MYBL2: variants seen among roughly 807,000 people sequenced by gnomAD.
The protein encoded by MYBL2 is myb-related protein B.
A neutral mutation model predicts 79.9 loss-of-function variants in MYBL2; 28 were observed. The ratio of observed to expected loss-of-function variants is 0.35; its 90% CI spans 0.26 to 0.48. The LOEUF is 0.48. Among genes scored for constraint, MYBL2 ranks in the 20% least tolerant of loss-of-function variants. The probability of loss-of-function intolerance (pLI) is 0.99; values close to 1 mark genes in which losing one functional copy is unlikely to be tolerated. For synonymous variants in MYBL2, 378 were observed against 361.2 expected (o/e 1.05, Z -0.53); for missense variants, 735 against 893.9 (o/e 0.82, Z 2.27).
intron 4 of MYBL2, among the ~76,000 whole-genome samples, chr20:43,684,514 C>A (rs868635409): frequency 8.0e-5 from 12 of 150,344 alleles, no homozygotes; most frequent in Non-Finnish European, 1.0e-4. Flanking sequence ...GGATTACAAG[C>A]GTGAGCCACT....
chr20:43,698,249 G>A (rs191428536), intron 6 of MYBL2, among the ~76,000 whole-genome samples: 1 of 151,154 alleles, frequency 6.6e-6, no homozygotes, highest in Non-Finnish European at 1.5e-5. Flanking sequence ...TATAGAGATG[G>A]GGTTTGCCCA....
At chr20:43,712,881 C>A in intron 11 of MYBL2, 121 bp from the exon 12 acceptor site, 1 of 743,504 alleles carries the variant, frequency 1.3e-6, no homozygotes. Context: ...CTGGGCCTTG[C>A]TCCAAGTCTG....
chr20:43,703,988 A>G (rs767081209), intron 8 of MYBL2, among the ~76,000 whole-genome samples: 5 of 152,072 alleles, frequency 3.3e-5, no homozygotes, highest in Non-Finnish European at 5.9e-5. Context: ...GACACCCGTT[A>G]TTGGATTAGG....
intron 2 of MYBL2, among the ~76,000 whole-genome samples, chr20:43,677,769 C>T (rs561487252): frequency 6.6e-5 from 10 of 152,276 alleles, no homozygotes; most frequent in Admixed American, 2.0e-4. Flanking sequence ...AAGTGAGGAG[C>T]CCCTCTGCCC....
chr20:43,699,032 A>C (rs900241619), intron 6 of MYBL2, among the ~76,000 whole-genome samples: 1 of 152,000 alleles, frequency 6.6e-6, no homozygotes, highest in Non-Finnish European at 1.5e-5. Flanking sequence ...ATTAAGCATT[A>C]AAAATTTATT....
intron 4 of MYBL2, among the ~76,000 whole-genome samples, chr20:43,684,620 C>A (rs748747292): frequency 6.7e-6 from 1 of 149,948 alleles, no homozygotes; most frequent in Non-Finnish European, 1.5e-5. Context: ...AAGCTATCTT[C>A]TCGCCTTGGC....
At chr20:43,673,547 C>T (rs542849566) in intron 1 of MYBL2, 17 of 512,830 alleles carry the variant, frequency 3.3e-5, no homozygotes, top group African/African-American at 1.9e-4. Context: ...TGGGGCGGGA[C>T]GATCATTTGA....
chr20:43,692,451 G>A, intron 6 of MYBL2, 132 bp downstream of exon 6: 1 of 1,128,710 alleles, frequency 8.9e-7, no homozygotes, highest in African/African-American at 1.6e-5. Context: ...TGCTTCTGGG[G>A]CCTTGTGAGA....
chr20:43,700,059 A>G lies in MYBL2; in HGVS notation c.951+15A>G, dbSNP rs1201592967. ...TGATCGAGTCGGTATGTTGGTCACA[A>G]CACTTCACAGTGAGCACAGAACACC... On this transcript the variant is annotated intron_variant, in intron 7 of 13. Transcript: ENST00000217026. 7 of 1,611,224 alleles carry G rather than the reference A, an allele frequency of 4.3e-6. No homozygotes were observed. In the East Asian group the frequency reaches 6.7e-5, roughly 15 times the overall value.
chr20:43,699,775 T>C lies in MYBL2; in HGVS notation c.682T>C (p.Trp228Arg). ...TEGQGSLLTN[W>R]PSVPPTIKEE... ...CTTACAGGGAAGTCTTCTGACCAAC[T>C]GGCCCTCCGTCCCTCCTACCATAAA... The change falls in exon 7 of 14, where the codon TGG becomes CGG. Residue 228 changes from tryptophan (W) to arginine (R), a missense_variant. Physicochemically the swap from Trp to Arg is moderately radical, Grantham distance 101. Around this residue, in one of 5 missense-constraint regions of MYBL2, gnomAD observed 144 missense variants for 131.9 expected, o/e 1.09. Transcript: ENST00000217026. 2 of 1,614,088 alleles carry C rather than the reference T, an allele frequency of 1.2e-6. No individual in the cohort carries two copies. Among genetic ancestry groups the C allele is most frequent in the Non-Finnish European group, 1.7e-6 (2 of 1,179,998 alleles).
chr20:43,705,129 C>A, intron 8 of MYBL2, 90 bp from the exon 9 acceptor site: 4 of 1,497,246 alleles, frequency 2.7e-6, no homozygotes, highest in Non-Finnish European at 2.7e-6. Flanking sequence ...GGGGGAGAGG[C>A]TCAAGGATCT....
chr20:43,702,439 C>G, intron 7 of MYBL2, 51 bp from the exon 8 acceptor site: 5 of 1,521,076 alleles, frequency 3.3e-6, no homozygotes, highest in Non-Finnish European at 4.5e-6. Flanking sequence ...AATGAGTCCT[C>G]TTGTATTAAG....
intron 2 of MYBL2, among the ~76,000 whole-genome samples, chr20:43,679,181 C>A (rs1195960810): frequency 6.6e-6 from 1 of 152,166 alleles, no homozygotes; most frequent in Non-Finnish European, 1.5e-5. Flanking sequence ...TGGGCTGGCT[C>A]ACCCAGAGAA....
intron 5 of MYBL2, among the ~76,000 whole-genome samples, chr20:43,687,876 A>T (rs768590578): frequency 2.6e-5 from 4 of 151,618 alleles, no homozygotes; most frequent in Non-Finnish European, 4.4e-5. Context: ...AATTAGCGGG[A>T]TGTGTTGGTG....
At chr20:43,693,923 C>CTGTA (rs1008095508) in intron 6 of MYBL2, among the ~76,000 whole-genome samples, 1 of 152,032 alleles carries the variant, frequency 6.6e-6, no homozygotes, top group African/African-American at 2.4e-5. Flanking sequence ...TTTTGTGCAC[C>CTGTA]TGTAGTCCCA....
At chr20:43,700,662 A>G (rs1024742942) in intron 7 of MYBL2, among the ~76,000 whole-genome samples, 1 of 152,034 alleles carries the variant, frequency 6.6e-6, no homozygotes, top group African/African-American at 2.4e-5. Context: ...GGAGTTCAGT[A>G]TGGGGGTCCG....
chr20:43,699,827 T>G lies in MYBL2; in HGVS notation c.734T>G (p.Leu245Arg). 1 of 1,614,134 alleles carries G rather than the reference T, an allele frequency of 6.2e-7. No individual in the cohort carries two copies. Among genetic ancestry groups the G allele is most frequent in the Non-Finnish European group, 8.5e-7 (1 of 1,180,030 alleles). ...IKEEENSEEE[L>R]AAATTSKEQE... ...GAGGAGGAAAACAGTGAGGAGGAAC[T>G]TGCAGCAGCCACCACATCGAAGGAA... The change falls in exon 7 of 14, where the codon CTT (leucine) becomes CGT (arginine). Residue 245 changes from leucine (L) to arginine (R), a missense_variant. Around this residue, in one of 5 missense-constraint regions of MYBL2, gnomAD observed 144 missense variants for 131.9 expected, o/e 1.09. Transcript: ENST00000217026.
intron 7 of MYBL2, among the ~76,000 whole-genome samples, chr20:43,702,037 G>T (rs1055135241): frequency 6.6e-6 from 1 of 152,186 alleles, no homozygotes; most frequent in Non-Finnish European, 1.5e-5. Flanking sequence ...TGAGGCAGGA[G>T]AATTGCTTGA....
intron 9 of MYBL2, among the ~76,000 whole-genome samples, chr20:43,708,691 C>A (rs1362268057): frequency 6.6e-6 from 1 of 152,196 alleles, no homozygotes; most frequent in Non-Finnish European, 1.5e-5. Context: ...TAACACTAAT[C>A]CCAGAGTGTT....
Sources: allele counts gnomAD v4.1 joint callset (sites outside exome capture counted in the v4.1 genomes callset), GRCh38; gene constraint gnomAD v4.1.1; regional missense constraint gnomAD v4.1.1; transcripts MANE v1.5; gene names NCBI Gene and HGNC (gene_info 2026-07-23, HGNC 2026-07-21).